The following TGFBR1 variants were observed in gnomAD, a reference collection of about 807,000 sequenced individuals.
TGFBR1 encodes transforming growth factor beta receptor 1, also known as TGF-beta receptor type-1.
A neutral mutation model predicts 55.1 loss-of-function variants in TGFBR1; 20 were observed. That is an observed-to-expected ratio of 0.36 (90% CI 0.26 to 0.53). The LOEUF (loss-of-function observed/expected upper bound fraction) is 0.53. Ranked by LOEUF, TGFBR1 falls within the 20% of genes least tolerant of loss-of-function variation. TGFBR1 has a pLI of 0.91. For missense variants in TGFBR1, 385 were observed against 617.6 expected (o/e 0.62, Z 3.99); for synonymous variants, 220 against 214.8 (o/e 1.02, Z -0.21).
chr9:99,148,797 A>G (rs1258300872), intron 8 of TGFBR1, among the ~76,000 whole-genome samples: 1 of 151,780 alleles, frequency 6.6e-6, no homozygotes, highest in Non-Finnish European at 1.5e-5. Context: ...ATGCCATTGC[A>G]TTCCACTTTG....
rs184564501 is a variant in TGFBR1, at chr9:99,150,488, G to A, written c.*1183G>A. The A allele has an allele frequency of 2.2e-3, 466 of 213,878 alleles. 2 individuals carry two copies. Among genetic ancestry groups the A allele is most frequent in the Non-Finnish European group, 3.2e-3 (338 of 105,464 alleles). 13.2% of individuals were successfully genotyped at this position (213,878 alleles called of 1,614,324 possible). On this transcript the variant is annotated 3_prime_UTR_variant, in exon 9 of 9. Transcript: ENST00000374994. ...ATAATAGGCCTTTTTCTAGGAAGGC[G>A]AAGGTAGTTAATAATTTGAATAGAT...
chr9:99,104,117 C>G (rs927684506), upstream of TGFBR1: 3 of 152,158 alleles, frequency 2.0e-5, no homozygotes, highest in African/African-American at 7.2e-5. Flanking sequence ...GTGGGTGGAG[C>G]GTCTCGCAGT....
At chr9:99,148,787 A>G (rs546730006) in intron 8 of TGFBR1, among the ~76,000 whole-genome samples, 102 of 151,980 alleles carry the variant, frequency 6.7e-4, no homozygotes, top group African/African-American at 2.4e-3. Context: ...AGCTGAGGGC[A>G]TGCCATTGCA....
At chr9:99,126,092 T>G (rs1441244062) in intron 1 of TGFBR1, among the ~76,000 whole-genome samples, 1 of 152,150 alleles carries the variant, frequency 6.6e-6, no homozygotes, top group Non-Finnish European at 1.5e-5. Context: ...AAGATCCTGT[T>G]GAAATAGGGT....
chr9:99,105,393 G>A, intron 1 of TGFBR1, 91 bp downstream of exon 1: 1 of 958,956 alleles, frequency 1.0e-6, no homozygotes, highest in Non-Finnish European at 1.2e-6. Context: ...AACATGGCGC[G>A]GGGCCGGGGG....
At chr9:99,111,680 T>C (rs1826586374) in intron 1 of TGFBR1, among the ~76,000 whole-genome samples, 1 of 152,166 alleles carries the variant, frequency 6.6e-6, no homozygotes, top group Non-Finnish European at 1.5e-5. Context: ...TTAATCATTC[T>C]ATTTCAGCAG....
At chr9:99,134,800 CATTA>C in intron 3 of TGFBR1, among the ~76,000 whole-genome samples, 1 of 58,236 alleles carries the variant, frequency 1.7e-5, no homozygotes, top group Non-Finnish European at 3.2e-5. Context: ...ATTCTGTTTC[CATTA>C]TATATATATA....
At chr9:99,145,865 G>A (rs1335281644) in intron 6 of TGFBR1, 1 of 155,000 alleles carries the variant, frequency 6.5e-6, no homozygotes, top group African/African-American at 2.4e-5. Context: ...GGATTCCCTG[G>A]GGACTCTCAA....
Position 99,152,497 on chromosome 9 carries a change from T to C in TGFBR1, c.*3192T>C, listed in dbSNP as rs148797981. ...CCAGATTTCAGGTTTTATTACAAAA[T>C]GTAAGTGGTCACTTGGCGATTTTGT... On this transcript the variant is annotated 3_prime_UTR_variant, in exon 9 of 9. Coordinates refer to ENST00000374994, the MANE Select transcript of TGFBR1 (RefSeq NM_004612.4). The C allele has an allele frequency of 2.4e-3, 559 of 230,880 alleles. 1 individual carries two copies. Among genetic ancestry groups the C allele is most frequent in the African/African-American group, 0.011 (514 of 45,328 alleles). 14.3% of individuals were successfully genotyped at this position (230,880 alleles called of 1,614,324 possible). A position where few individuals can be genotyped will look rare whatever the true frequency, so the allele number is the denominator to read the frequency against.
intron 3 of TGFBR1, among the ~76,000 whole-genome samples, chr9:99,136,009 C>T (rs2118683640): frequency 6.6e-6 from 1 of 152,102 alleles, no homozygotes; most frequent in Middle Eastern, 3.4e-3. Flanking sequence ...TGTGCACCAC[C>T]ATGCCCAGCT....
Position 99,152,095 on chromosome 9 carries a change from C to T in TGFBR1, c.*2790C>T, listed in dbSNP as rs1003173642. On this transcript the variant is annotated 3_prime_UTR_variant, in exon 9 of 9. Coordinates refer to ENST00000374994, the MANE Select transcript of TGFBR1 (RefSeq NM_004612.4). The stretch of plus-strand genomic sequence containing the variant: ...TGCTCTCCTGCTTGCTGGTCCCTGA[C>T]GCAGAGACCGTTGCCTCCCCCACAG... 3.9e-5 allele frequency: 8 copies of T among 206,874 alleles called. No individual in the cohort carries two copies. The highest frequency in any genetic ancestry group is 1.9e-4 in the South Asian group (1 of 5,284). The allele number at this position is 206,874 out of a possible 1,614,324, so 12.8% of individuals were successfully genotyped here.
At chr9:99,115,595 C>T (rs187338173) in intron 1 of TGFBR1, among the ~76,000 whole-genome samples, 35 of 152,196 alleles carry the variant, frequency 2.3e-4, no homozygotes, top group African/African-American at 7.2e-4. Flanking sequence ...TGCAAGCACA[C>T]GATATATGTA....
chr9:99,109,755 T>C (rs1826511232), intron 1 of TGFBR1, among the ~76,000 whole-genome samples: 1 of 152,226 alleles, frequency 6.6e-6, no homozygotes, highest in Non-Finnish European at 1.5e-5. Context: ...TTTGATATCA[T>C]GTGATTGGGT....
intron 1 of TGFBR1, among the ~76,000 whole-genome samples, chr9:99,113,385 G>A (rs1305016449): frequency 6.6e-6 from 1 of 152,152 alleles, no homozygotes; most frequent in African/African-American, 2.4e-5. Context: ...CCAAACACTG[G>A]TGCAGTTGTA....
chr9:99,105,021 G>T (rs1826357987), upstream of TGFBR1: 2 of 386,002 alleles, frequency 5.2e-6, no homozygotes, highest in Non-Finnish European at 7.4e-6. Flanking sequence ...TTGGCAGCTC[G>T]CGGCGGCGGG....
chr9:99,120,476 C>T (rs1022611425), intron 1 of TGFBR1, among the ~76,000 whole-genome samples: 2 of 152,180 alleles, frequency 1.3e-5, no homozygotes, highest in Non-Finnish European at 2.9e-5. Flanking sequence ...TGAAGTGGAA[C>T]AAAAACAAGG....
chr9:99,138,185 A>G (rs888264773), intron 4 of TGFBR1, 96 bp downstream of exon 4: 12 of 1,083,404 alleles, frequency 1.1e-5, no homozygotes, highest in Admixed American at 1.8e-5. Context: ...TAGATGAGAC[A>G]TAGATGTCTC....
At chr9:99,148,046 A>G (rs764876024) in intron 8 of TGFBR1, among the ~76,000 whole-genome samples, 24 of 152,198 alleles carry the variant, frequency 1.6e-4, no homozygotes, top group Non-Finnish European at 3.1e-4. Context: ...CATATTTTTA[A>G]ATGAATGCCT....
At chr9:99,132,056 T>A (rs1250487712) in intron 2 of TGFBR1, among the ~76,000 whole-genome samples, 1 of 152,048 alleles carries the variant, frequency 6.6e-6, no homozygotes, top group Non-Finnish European at 1.5e-5. Flanking sequence ...TTTTTTCGCT[T>A]GTTTTGATAT....
Sources: allele counts gnomAD v4.1 joint callset (sites outside exome capture counted in the v4.1 genomes callset), GRCh38; gene constraint gnomAD v4.1.1; transcripts MANE v1.5; gene names NCBI Gene and HGNC (gene_info 2026-07-23, HGNC 2026-07-21).